MACO1: variants seen among roughly 807,000 people sequenced by gnomAD.
MACO1 encodes macoilin 1.
Under a neutral mutation model 78.7 loss-of-function variants are expected in MACO1, and 14 were observed. That is an observed-to-expected ratio of 0.18 (90% CI 0.12 to 0.28). The LOEUF (loss-of-function observed/expected upper bound fraction) is 0.28, where lower values mean the gene tolerates loss of function less well. Ranked by LOEUF, MACO1 falls within the 10% of genes least tolerant of loss-of-function variation. The pLI, the probability that MACO1 is intolerant of heterozygous loss-of-function variation, is 1.00. For missense variants in MACO1, 501 were observed against 799.0 expected, an observed-to-expected ratio of 0.63 and a Z score of 4.50; for synonymous variants, 288 against 291.6, an observed-to-expected ratio of 0.99 and a Z score of 0.12.
intron 2 of MACO1, among the ~76,000 whole-genome samples, chr1:25,447,747 G>A (rs1197619916): frequency 6.6e-6 from 1 of 152,156 alleles, no homozygotes; most frequent in African/African-American, 2.4e-5. Context: ...ACCTCAAAGA[G>A]CCCTTGGAGG....
At chr1:25,497,901 C>T (rs2043552005) in intron 10 of MACO1, among the ~76,000 whole-genome samples, 1 of 152,234 alleles carries the variant, frequency 6.6e-6, no homozygotes, top group African/African-American at 2.4e-5. Context: ...GACTTCTTTA[C>T]ATCAACCACA....
chr1:25,497,799 C>T (rs937165940), intron 10 of MACO1, among the ~76,000 whole-genome samples: 1 of 152,180 alleles, frequency 6.6e-6, no homozygotes, highest in Non-Finnish European at 1.5e-5. Context: ...AAAAAAATTC[C>T]AGCTCAAGAG....
intron 8 of MACO1, among the ~76,000 whole-genome samples, chr1:25,486,167 A>G (rs1322037079): frequency 6.6e-6 from 1 of 151,946 alleles, no homozygotes; most frequent in Non-Finnish European, 1.5e-5. Flanking sequence ...ATTACTCTCC[A>G]CTCTTAGGTA....
At chr1:25,480,680 A>T (rs2043364028) in intron 6 of MACO1, among the ~76,000 whole-genome samples, 1 of 151,938 alleles carries the variant, frequency 6.6e-6, no homozygotes, top group African/African-American at 2.4e-5. Context: ...TAATACCAGC[A>T]CTTTAGGAGG....
chr1:25,435,727 C>A (rs529661173), intron 1 of MACO1, among the ~76,000 whole-genome samples: 1 of 152,286 alleles, frequency 6.6e-6, no homozygotes, highest in East Asian at 1.9e-4. Flanking sequence ...CAATCCTGGA[C>A]CTGGCACGAA....
Position 25,484,242 on chromosome 1 carries a change from G to T in MACO1, c.1281G>T (p.Gln427His). The T allele has an allele frequency of 6.2e-7, 1 of 1,613,072 alleles. No homozygotes were observed. Among genetic ancestry groups the T allele is most frequent in the South Asian group, 1.1e-5 (1 of 90,928 alleles). Residue 427 changes from glutamine (Q) to histidine (H), a missense_variant, in exon 7 of 11, where the codon CAG (glutamine) becomes CAT (histidine). Around this residue, in one of 5 missense-constraint regions of MACO1, gnomAD observed 163 missense variants for 271.9 expected, o/e 0.60. Transcript: ENST00000374343. ...GAGGGATCCGCTCAGAAATGGGCCA[G>T]CTTCGGCAGGAGAACGAGCTGCTGC... is the stretch of plus-strand genomic sequence containing the variant. ...TERGIRSEMG[Q>H]LRQENELLQN...
chr1:25,444,636 G>A (rs532338515), intron 1 of MACO1, among the ~76,000 whole-genome samples: 1 of 152,208 alleles, frequency 6.6e-6, no homozygotes, highest in South Asian at 2.1e-4. Flanking sequence ...ACCCAGGCTG[G>A]AGTGCAGTGG....
chr1:25,469,039 C>T (rs2043243800), intron 6 of MACO1, among the ~76,000 whole-genome samples: 1 of 151,986 alleles, frequency 6.6e-6, no homozygotes, highest in Admixed American at 6.6e-5. Flanking sequence ...GACGGGGTTT[C>T]ACCATGTTGC....
chr1:25,431,087 C>G lies in MACO1; in HGVS notation c.-12C>G. On this transcript the variant is annotated 5_prime_UTR_variant, in exon 1 of 11. Transcript: ENST00000374343. Reference sequence around the variant, plus strand: ...CGGCGGCGGCGCGGGCACCCGGCCCCCCAGCGGGAGGATGAAGCGGCGGAA... The same window carrying G: ...CGGCGGCGGCGCGGGCACCCGGCCCGCCAGCGGGAGGATGAAGCGGCGGAA... 6.3e-7 allele frequency: 1 copy of G among 1,581,130 alleles called. No individual in the cohort carries two copies. The highest frequency in any genetic ancestry group is 8.6e-7 in the Non-Finnish European group (1 of 1,167,028).
intron 1 of MACO1, among the ~76,000 whole-genome samples, chr1:25,432,757 C>G (rs1311063247): frequency 6.6e-6 from 1 of 152,208 alleles, no homozygotes; most frequent in Non-Finnish European, 1.5e-5. Context: ...CTTAGCACAA[C>G]TGTGGCATTT....
rs1557675472 is a variant in MACO1 at position 25,485,769 on chromosome 1, G to T, written c.1470G>T (p.Arg490=). 2.5e-6 allele frequency: 4 copies of T among 1,613,388 alleles called. No individual in the cohort carries two copies. The highest frequency in any genetic ancestry group is 1.7e-5 in the Admixed American group (1 of 59,874). ...RKKLEEATAA[R]AVAFAAASRG... is the part of the protein sequence containing the mutation. ...AGTTAGAAGAAGCCACTGCTGCCCGGGCTGTTGCGTTTGCTGCTGCATCTA... is the reference window on the plus strand; with the variant it reads ...AGTTAGAAGAAGCCACTGCTGCCCGTGCTGTTGCGTTTGCTGCTGCATCTA... Residue 490 remains arginine (R), a synonymous_variant, in exon 8 of 11, where the codon CGG becomes CGT. Coordinates refer to ENST00000374343, the MANE Select transcript of MACO1 (RefSeq NM_018202.6). This position sits in a 1 kb window ranked among gnomAD's most constrained non-coding sequence, Gnocchi z 4.3.
chr1:25,449,319 G>T (rs1254479362), intron 3 of MACO1, among the ~76,000 whole-genome samples: 1 of 152,006 alleles, frequency 6.6e-6, no homozygotes, highest in Non-Finnish European at 1.5e-5. Context: ...CCCTTAATTT[G>T]GCAAAAGAAT....
intron 6 of MACO1, among the ~76,000 whole-genome samples, chr1:25,480,901 G>T (rs2124604829): frequency 8.7e-6 from 1 of 114,996 alleles, no homozygotes; most frequent in Non-Finnish European, 1.7e-5. Context: ...GGGCAACAGA[G>T]TGAGACTTGG....
intron 1 of MACO1, among the ~76,000 whole-genome samples, chr1:25,442,181 A>G (rs1251949805): frequency 6.6e-6 from 1 of 152,228 alleles, no homozygotes; most frequent in Admixed American, 6.5e-5. Context: ...GCTGTAATTA[A>G]CAAATGGCCA....
chr1:25,494,897 CA>C (rs1312778575), intron 10 of MACO1, among the ~76,000 whole-genome samples: 1 of 152,186 alleles, frequency 6.6e-6, no homozygotes, highest in African/African-American at 2.4e-5. Context: ...GACGGAGGCC[CA>C]AACCCCTGGG....
chr1:25,488,178 A>G (rs2124610464), intron 8 of MACO1, among the ~76,000 whole-genome samples: 1 of 152,314 alleles, frequency 6.6e-6, no homozygotes, highest in East Asian at 1.9e-4. Context: ...CAGCCTCCTG[A>G]GTAGCTGGGA....
At chr1:25,469,286 G>A (rs1040166558) in intron 6 of MACO1, among the ~76,000 whole-genome samples, 21 of 152,204 alleles carry the variant, frequency 1.4e-4, no homozygotes, top group South Asian at 4.1e-4. Flanking sequence ...CAGTGAGTAT[G>A]TTGATTAGTA....
intron 5 of MACO1, among the ~76,000 whole-genome samples, chr1:25,457,303 G>T (rs1382657488): frequency 1.3e-5 from 2 of 151,552 alleles, no homozygotes; most frequent in Non-Finnish European, 2.9e-5. Flanking sequence ...GTAGAGATGA[G>T]GTCTCACTGT....
At chr1:25,448,980 A>G (rs1283301418) in intron 3 of MACO1, 46 bp downstream of exon 3, 1 of 1,391,496 alleles carries the variant, frequency 7.2e-7, no homozygotes, top group African/African-American at 1.4e-5. Flanking sequence ...TTAGATTCAA[A>G]TTTTTAAATG....
Sources: gnomAD v4.1 joint callset for allele counts (sites outside exome capture counted in the v4.1 genomes callset) on GRCh38, gnomAD v4.1.1 for gene constraint, gnomAD v4.1.1 regional missense constraint, Gnocchi (gnomAD v3.1) non-coding constraint, MANE v1.5 for transcripts, NCBI Gene and HGNC (gene_info 2026-07-23, HGNC 2026-07-21) for gene names.